Variants in SHANK2 observed in about 807,000 individuals in gnomAD.
SHANK2 encodes the protein SH3 and multiple ankyrin repeat domains protein 2.
A neutral mutation model predicts 133.7 loss-of-function variants in SHANK2; 43 were observed. The ratio of observed to expected loss-of-function variants is 0.32; its 90% CI spans 0.25 to 0.41. SHANK2 has a LOEUF of 0.41. SHANK2 is among the 10% of genes least tolerant of loss of function. SHANK2 has a pLI of 1.00. For synonymous variants in SHANK2, 1,017 were observed against 952.8 expected, an observed-to-expected ratio of 1.07 and a Z score of -1.24; for missense variants, 1,994 against 2,235.8, an observed-to-expected ratio of 0.89 and a Z score of 2.18.
intron 17 of SHANK2, among the ~76,000 whole-genome samples, chr11:70,599,925 A>T (rs1438871717): frequency 3.2e-4 from 37 of 114,046 alleles, no homozygotes; most frequent in African/African-American, 1.5e-3. Context: ...GAAAGAAAGA[A>T]AGAAAGAAAG....
At position 71,193,369 on chromosome 11, in the gene SHANK2, GTGCACA is replaced by G. The variant is rs1953831170; in HGVS notation, c.-13+31322_-13+31327del. Among the ~76,000 whole-genome samples the G allele has an allele frequency of 3.3e-5, 5 of 152,274 alleles. No individual in the cohort carries two copies. In the East Asian group the frequency reaches 9.7e-4, roughly 29 times the overall value. On this transcript the variant is annotated intron_variant, in intron 2 of 25. Coordinates refer to ENST00000601538, the MANE Select transcript of SHANK2 (RefSeq NM_012309.5). ...TGCATGCACACATACATGTATATGTGTGCACAAACACACCAGAGATACCTCATTTCC... is the reference window on the plus strand; with the variant it reads ...TGCATGCACACATACATGTATATGTGAACACACCAGAGATACCTCATTTCC...
intron 1 of SHANK2, among the ~76,000 whole-genome samples, chr11:71,227,613 C>T (rs566155240): frequency 1.3e-5 from 2 of 152,020 alleles, no homozygotes; most frequent in Admixed American, 1.3e-4. Flanking sequence ...ACACTTATAA[C>T]TGAATACAAC....
In SHANK2 at chr11:70,952,735, C is replaced by T. The variant is rs1301569910; in HGVS notation, c.1108-56168G>A. On this transcript the variant is annotated intron_variant, in intron 10 of 25. Coordinates refer to ENST00000601538, the MANE Select transcript of SHANK2 (RefSeq NM_012309.5). ...TGGGGGACGCAGATGGCAGGGCGGCCCTGGCTTCGTGTGTCCGGGGGGGCC... is the reference window on the plus strand; with the variant it reads ...TGGGGGACGCAGATGGCAGGGCGGCTCTGGCTTCGTGTGTCCGGGGGGGCC... The T allele has an allele frequency of 1.4e-5, 6 of 420,954 alleles. No homozygotes were observed. The East Asian group carries it at 4.9e-4, about 34-fold the overall frequency. 26.1% of individuals were successfully genotyped at this position (420,954 alleles called of 1,614,324 possible). A position where few individuals can be genotyped will look rare whatever the true frequency, so the allele number is the denominator to read the frequency against.
intron 11 of SHANK2, chr11:70,863,181 A>ATGCTCTGCTATTTGCACATTTT: frequency 2.7e-6 from 1 of 370,884 alleles, no homozygotes; most frequent in South Asian, 2.0e-5. Flanking sequence ...ACAGCAGGTG[A>ATGCTCTGCTATTTGCACATTTT]GAGAGGTCCC....
At chr11:70,537,050 G>T (rs981917534) in intron 17 of SHANK2, among the ~76,000 whole-genome samples, 1 of 152,142 alleles carries the variant, frequency 6.6e-6, no homozygotes, top group Non-Finnish European at 1.5e-5. Flanking sequence ...GGCTGGGGAG[G>T]GGTGGGGGCA....
At chr11:71,197,175 A>G (rs987391466) in intron 2 of SHANK2, among the ~76,000 whole-genome samples, 6 of 152,142 alleles carry the variant, frequency 3.9e-5, no homozygotes, top group South Asian at 4.1e-4. Flanking sequence ...TGAAGGTAGA[A>G]GAACTTAGTT....
In SHANK2 at chr11:70,485,670, A is replaced by T; in HGVS notation, c.4623T>A (p.Val1541=). ...GCTTAGGAGGTACTGGGGGTTTGTCAACCATAAATGCTTGCCCATCTGCAT... is the reference window on the plus strand; with the variant it reads ...GCTTAGGAGGTACTGGGGGTTTGTCTACCATAAATGCTTGCCCATCTGCAT... ...TVYADGQAFM[V]DKPPVPPKPK... The change falls in exon 25 of 26, where the codon GTT becomes GTA. Residue 1541 remains valine, a synonymous_variant. Coordinates refer to ENST00000601538, the MANE Select transcript of SHANK2 (RefSeq NM_012309.5). The surrounding 1 kb of genome is among the most constrained non-coding windows in gnomAD (Gnocchi z 5.8). 6.2e-7 allele frequency: 1 copy of T among 1,614,110 alleles called. No individual in the cohort carries two copies. Among genetic ancestry groups the T allele is most frequent in the Non-Finnish European group, 8.5e-7 (1 of 1,180,044 alleles).
intron 17 of SHANK2, among the ~76,000 whole-genome samples, chr11:70,531,155 C>CAAA (rs58867931): frequency 1.2e-4 from 11 of 88,160 alleles, no homozygotes; most frequent in South Asian, 4.7e-4. Context: ...ACGACTGTCT[C>CAAA]AAAAAAAAAA....
At chr11:71,181,496 T>C (rs1459007303) in intron 2 of SHANK2, among the ~76,000 whole-genome samples, 3 of 151,950 alleles carry the variant, frequency 2.0e-5, no homozygotes, top group African/African-American at 7.3e-5. Flanking sequence ...AAAAAGGCAA[T>C]GGTCATATGA....
chr11:71,133,070 A>T (rs1348946882), intron 3 of SHANK2, among the ~76,000 whole-genome samples: 1 of 152,036 alleles, frequency 6.6e-6, no homozygotes, highest in East Asian at 1.9e-4. Flanking sequence ...GGGGCTACTC[A>T]AAGTGGAGAC....
chr11:70,939,117 A>C (rs1555083902), intron 10 of SHANK2, among the ~76,000 whole-genome samples: 1 of 152,190 alleles, frequency 6.6e-6, no homozygotes, highest in Non-Finnish European at 1.5e-5. Flanking sequence ...CTCATGAATA[A>C]GATGATGAGG....
chr11:71,077,749 G>T (rs1951240602), intron 8 of SHANK2, among the ~76,000 whole-genome samples: 1 of 152,112 alleles, frequency 6.6e-6, no homozygotes, highest in Non-Finnish European at 1.5e-5. Context: ...GGGCAGAAGG[G>T]TCCACAGACG....
chr11:70,527,408 C>T (rs1274214756), intron 17 of SHANK2, among the ~76,000 whole-genome samples: 2 of 152,208 alleles, frequency 1.3e-5, no homozygotes, highest in Non-Finnish European at 2.9e-5. Context: ...CCATGGTCCC[C>T]GCTTCCCAGT....
Position 70,599,921 on chromosome 11 carries a change from A to AAGAT in SHANK2, c.2061+59906_2061+59907insATCT, listed in dbSNP as rs782490213. Among the ~76,000 whole-genome samples, 60 of 61,244 alleles carry AAGAT rather than the reference A, an allele frequency of 9.8e-4. 1 individual carries two copies. Among genetic ancestry groups the AAGAT allele is most frequent in the African/African-American group, 3.8e-3 (57 of 14,954 alleles). The allele number at this position is 61,244 out of a possible 152,430, so 40.2% of individuals were successfully genotyped here. The stretch of plus-strand genomic sequence containing the variant: ...AGAAAGAAAGAGAAAGAAAGAAAGA[A>AAGAT]AGAAAGAAAGAAAGAAAGAAAGAAA... On this transcript the variant is annotated intron_variant, in intron 17 of 25. Coordinates refer to ENST00000601538, the MANE Select transcript of SHANK2 (RefSeq NM_012309.5).
At chr11:70,636,417 A>G (rs539404857) in intron 17 of SHANK2, among the ~76,000 whole-genome samples, 1 of 151,764 alleles carries the variant, frequency 6.6e-6, no homozygotes, top group African/African-American at 2.4e-5. Context: ...ATGTGTGAGC[A>G]TGTGTGCAAG....
intron 10 of SHANK2, among the ~76,000 whole-genome samples, chr11:70,920,635 A>C (rs1329960546): frequency 2.6e-5 from 4 of 152,246 alleles, no homozygotes; most frequent in Admixed American, 6.5e-5. Flanking sequence ...TCTCAAGCAC[A>C]ATAGTTTAAT....
At chr11:71,091,644 A>G (rs180817543) in intron 8 of SHANK2, among the ~76,000 whole-genome samples, 9 of 152,126 alleles carry the variant, frequency 5.9e-5, no homozygotes, top group East Asian at 3.9e-4. Flanking sequence ...AGCCTGCACC[A>G]CAGCACTCCC....
At chr11:70,841,635 C>T (rs1261372169) in intron 11 of SHANK2, among the ~76,000 whole-genome samples, 1 of 152,214 alleles carries the variant, frequency 6.6e-6, no homozygotes, top group Non-Finnish European at 1.5e-5. Context: ...TGCCTGCGAT[C>T]ACTGTTGGAA....
chr11:70,683,938 C>A (rs1171544842), intron 15 of SHANK2, among the ~76,000 whole-genome samples: 1 of 152,078 alleles, frequency 6.6e-6, no homozygotes, highest in Admixed American at 6.6e-5. Context: ...CCTACACCAC[C>A]ACGCCCAGCT....
Sources: allele counts gnomAD v4.1 joint callset (sites outside exome capture counted in the v4.1 genomes callset), GRCh38; gene constraint gnomAD v4.1.1; non-coding constraint Gnocchi (gnomAD v3.1); transcripts MANE v1.5; gene names NCBI Gene and HGNC (gene_info 2026-07-23, HGNC 2026-07-21).